The following TBC1D16 variants were observed in gnomAD, a reference collection of about 807,000 sequenced individuals.
TBC1D16 encodes the protein CTD-2529O21.1.
Under a neutral mutation model 74.7 loss-of-function variants are expected in TBC1D16, and 58 were observed. The observed-to-expected ratio is 0.78, with a 90% CI of 0.63 to 0.97. The LOEUF (loss-of-function observed/expected upper bound fraction) is 0.97. Ranked by LOEUF, TBC1D16 falls within the 50% of genes least tolerant of loss-of-function variation. The pLI, the probability that TBC1D16 is intolerant of heterozygous loss-of-function variation, is 0.00. For synonymous variants in TBC1D16, 493 were observed against 474.7 expected, an observed-to-expected ratio of 1.04 and a Z score of -0.50; for missense variants, 1,014 against 1,079.5, an observed-to-expected ratio of 0.94 and a Z score of 0.85.
intron 1 of TBC1D16, among the ~76,000 whole-genome samples, chr17:80,034,550 A>C (rs1357668198): frequency 6.6e-6 from 1 of 152,168 alleles, no homozygotes; most frequent in Non-Finnish European, 1.5e-5. Flanking sequence ...TCTCACCATA[A>C]ACATGCCACT....
In TBC1D16 at chr17:79,994,194, A is replaced by G. The variant is rs2035182919; in HGVS notation, c.779+15966T>C. Among the ~76,000 whole-genome samples the G allele has an allele frequency of 6.6e-6, 1 of 151,870 alleles. No homozygotes were observed. On this transcript the variant is annotated intron_variant, in intron 3 of 11. Transcript: ENST00000310924. This position sits in a 1 kb window ranked among gnomAD's most constrained non-coding sequence, Gnocchi z 4.6. Reference sequence around the variant, plus strand: ...ACAGCATGGTTTAAGACGGCCCACCAGATGCACTGGCTCCGCCCCCATCTC... The same window carrying G: ...ACAGCATGGTTTAAGACGGCCCACCGGATGCACTGGCTCCGCCCCCATCTC...
At chr17:79,995,717 G>A (rs532420103) in intron 3 of TBC1D16, among the ~76,000 whole-genome samples, 4 of 151,996 alleles carry the variant, frequency 2.6e-5, no homozygotes, top group Non-Finnish European at 5.9e-5. Flanking sequence ...TCTGGGAGGC[G>A]GAGTTTGCAG....
chr17:79,943,471 C>A (rs2032212488), intron 10 of TBC1D16, among the ~76,000 whole-genome samples: 1 of 152,158 alleles, frequency 6.6e-6, no homozygotes, highest in South Asian at 2.1e-4. Context: ...CATCAAAAGC[C>A]TTTCTCGCTC....
intron 3 of TBC1D16, among the ~76,000 whole-genome samples, chr17:79,998,364 G>C (rs957249105): frequency 1.3e-5 from 2 of 150,398 alleles, no homozygotes; most frequent in African/African-American, 4.9e-5. Context: ...GTCTCACTCT[G>C]TGACCCAGGT....
chr17:80,015,881 T>C (rs1313196807), intron 1 of TBC1D16, among the ~76,000 whole-genome samples: 2 of 151,858 alleles, frequency 1.3e-5, no homozygotes, highest in African/African-American at 2.4e-5. Flanking sequence ...TGTGGTGGCA[T>C]GTGCCTGTAG....
In TBC1D16 at chr17:79,990,705, CT is replaced by C. The variant is rs1344488692; in HGVS notation, c.779+19454del. Among the ~76,000 whole-genome samples, 1 of 152,142 alleles carries C rather than the reference CT, an allele frequency of 6.6e-6. No homozygotes were observed. Among genetic ancestry groups the C allele is most frequent in the African/African-American group, 2.4e-5 (1 of 41,438 alleles). On this transcript the variant is annotated intron_variant, in intron 3 of 11. Coordinates refer to ENST00000310924, the MANE Select transcript of TBC1D16 (RefSeq NM_019020.4). This position sits in a 1 kb window ranked among gnomAD's most constrained non-coding sequence, Gnocchi z 4.8. ...GACACCACCCATCTCCAGAACTCTC[CT>C]TCTTCCCAAACTGAAGCTTTGTCTC...
rs554890940 is a variant in TBC1D16 at position 79,944,588 on chromosome 17, C to T, written c.1908+320G>A. Among the ~76,000 whole-genome samples, 8 of 152,256 alleles carry T rather than the reference C, an allele frequency of 5.3e-5. 1 individual carries two copies. In the South Asian group the frequency reaches 1.7e-3, roughly 32 times the overall value. ...GCTGGCTCACGCTCGTGGGCACCAG[C>T]GTCCTGGGCTGCTGTGGCCTAGTGT... On this transcript the variant is annotated intron_variant, in intron 10 of 11. Coordinates refer to ENST00000310924, the MANE Select transcript of TBC1D16 (RefSeq NM_019020.4). The surrounding 1 kb of genome is among the most constrained non-coding windows in gnomAD (Gnocchi z 7.7).
In TBC1D16 at chr17:79,951,512, C is replaced by G; in HGVS notation, c.1027G>C (p.Asp343His). Residue 343 changes from aspartate (D) to histidine (H), a missense_variant, in exon 5 of 12, where the codon GAC (aspartate) becomes CAC (histidine). By Grantham distance (81) the Asp-to-His change is moderately conservative. Transcript: ENST00000310924. ...TGCTGGAACACGTCAGACAGCTTGT[C>G]CAGGCCGCCGTGGTGGAAGTGGAAA... Reference protein sequence around the residue: ...KVFHFHHGGLDKLSDVFQQWK... With the variant: ...KVFHFHHGGLHKLSDVFQQWK... The G allele has an allele frequency of 6.2e-7, 1 of 1,614,096 alleles. No homozygotes were observed. The highest frequency in any genetic ancestry group is 8.5e-7 in the Non-Finnish European group (1 of 1,180,012).
At chr17:79,991,246 A>G (rs928924590) in intron 3 of TBC1D16, among the ~76,000 whole-genome samples, 2 of 152,236 alleles carry the variant, frequency 1.3e-5, no homozygotes, top group Non-Finnish European at 2.9e-5. Flanking sequence ...GACACAAAGC[A>G]GGCTGCATCT....
intron 3 of TBC1D16, among the ~76,000 whole-genome samples, chr17:80,004,111 A>C (rs2035589246): frequency 6.6e-6 from 1 of 152,262 alleles, no homozygotes; most frequent in African/African-American, 2.4e-5. Context: ...AATCCGTATT[A>C]TGTAAAATTA....
intron 8 of TBC1D16, among the ~76,000 whole-genome samples, chr17:79,948,065 C>A (rs1488937787): frequency 1.3e-5 from 2 of 152,214 alleles, no homozygotes; most frequent in Non-Finnish European, 2.9e-5. Context: ...AATCCCAGCA[C>A]TTTGGGAGGC....
rs114889695 is a variant in TBC1D16 at position 79,954,606 on chromosome 17, C to T, written c.780-1788G>A. Among the ~76,000 whole-genome samples, 6 of 152,144 alleles carry T rather than the reference C, an allele frequency of 3.9e-5. No homozygotes were observed. Among genetic ancestry groups the T allele is most frequent in the Non-Finnish European group, 5.9e-5 (4 of 68,020 alleles). On this transcript the variant is annotated intron_variant, in intron 3 of 11. Transcript: ENST00000310924. This position sits in a 1 kb window ranked among gnomAD's most constrained non-coding sequence, Gnocchi z 5.5. The stretch of plus-strand genomic sequence containing the variant: ...CTGACATCTTCCCAAGTGGACCCTG[C>T]GGGAGCTGCGCTTCAGAATCGTTGC...
At chr17:79,997,294 T>C (rs2035309573) in intron 3 of TBC1D16, among the ~76,000 whole-genome samples, 1 of 151,934 alleles carries the variant, frequency 6.6e-6, no homozygotes, top group African/African-American at 2.4e-5. Flanking sequence ...ACTATGCTTC[T>C]ATGCAGGATG....
Position 79,994,932 on chromosome 17 carries a change from T to C in TBC1D16, c.779+15228A>G, listed in dbSNP as rs1421054275. Among the ~76,000 whole-genome samples the C allele has an allele frequency of 6.6e-6, 1 of 152,246 alleles. No individual in the cohort carries two copies. Among genetic ancestry groups the C allele is most frequent in the Non-Finnish European group, 1.5e-5 (1 of 68,044 alleles). On this transcript the variant is annotated intron_variant, in intron 3 of 11. Coordinates refer to ENST00000310924, the MANE Select transcript of TBC1D16 (RefSeq NM_019020.4). This position sits in a 1 kb window ranked among gnomAD's most constrained non-coding sequence, Gnocchi z 4.6. ...CTGATCCCACATTGGAATGATACTA[T>C]TTTGAACAAGCTGGGTAATTTACAA...
At chr17:80,006,571 C>T (rs1270187716) in intron 3 of TBC1D16, among the ~76,000 whole-genome samples, 2 of 152,162 alleles carry the variant, frequency 1.3e-5, no homozygotes, top group Admixed American at 1.3e-4. Context: ...GGGCCAGAAG[C>T]GCACAGGAGC....
chr17:79,998,808 C>T (rs1004276160), intron 3 of TBC1D16, among the ~76,000 whole-genome samples: 6 of 152,166 alleles, frequency 3.9e-5, no homozygotes, highest in South Asian at 2.1e-4. Flanking sequence ...CTGCTTCCAC[C>T]GCGCCCGTAT....
rs770017411 is a variant in TBC1D16 at position 79,971,740 on chromosome 17, G to C, written c.780-18922C>G. On this transcript the variant is annotated intron_variant, in intron 3 of 11. Coordinates refer to ENST00000310924, the MANE Select transcript of TBC1D16 (RefSeq NM_019020.4). This position sits in a 1 kb window ranked among gnomAD's most constrained non-coding sequence, Gnocchi z 4.6. ...CCCACCAGGAGACATGGACCTCATAGGAGGTGAGCTGAGGATGTGGATAAT... is the reference window on the plus strand; with the variant it reads ...CCCACCAGGAGACATGGACCTCATACGAGGTGAGCTGAGGATGTGGATAAT... Among the ~76,000 whole-genome samples the C allele has an allele frequency of 6.6e-6, 1 of 152,184 alleles. No homozygotes were observed. Among genetic ancestry groups the C allele is most frequent in the African/African-American group, 2.4e-5 (1 of 41,436 alleles).
intron 3 of TBC1D16, chr17:79,992,119 C>T (rs2035088378): frequency 1.3e-5 from 2 of 152,286 alleles, no homozygotes; most frequent in Admixed American, 6.5e-5. Flanking sequence ...ACAAAGACGC[C>T]TCTCTGCAGG....
chr17:79,947,531 C>T (rs1422899191), intron 9 of TBC1D16, 114 bp downstream of exon 9: 1 of 1,191,178 alleles, frequency 8.4e-7, no homozygotes, highest in African/African-American at 1.5e-5. Context: ...GTTCCCACTG[C>T]CCACTGACCT....
Sources: gnomAD v4.1 joint callset for allele counts (sites outside exome capture counted in the v4.1 genomes callset) on GRCh38, gnomAD v4.1.1 for gene constraint, Gnocchi (gnomAD v3.1) non-coding constraint, MANE v1.5 for transcripts, NCBI Gene and HGNC (gene_info 2026-07-23, HGNC 2026-07-21) for gene names.